The following SMG6 variants were observed in gnomAD, a reference collection of about 807,000 sequenced individuals.
SMG6 encodes SMG6 nonsense mediated mRNA decay factor, also known as telomerase-binding protein EST1A.
Under a neutral mutation model 142.2 loss-of-function variants are expected in SMG6, and 66 were observed. That is an observed-to-expected ratio of 0.46 (90% CI 0.38 to 0.57). The LOEUF (loss-of-function observed/expected upper bound fraction) is 0.57, where lower values mean the gene tolerates loss of function less well. Ranked by LOEUF, SMG6 falls within the 20% of genes least tolerant of loss-of-function variation. SMG6 has a pLI of 0.00. For missense variants in SMG6, 1,793 were observed against 1,832.0 expected (o/e 0.98, Z 0.39); for synonymous variants, 779 against 702.4 (o/e 1.11, Z -1.72).
chr17:2,191,978 C>A (rs1374993022), intron 10 of SMG6, among the ~76,000 whole-genome samples: 2 of 152,242 alleles, frequency 1.3e-5, no homozygotes, highest in Non-Finnish European at 2.9e-5. Flanking sequence ...GTTATTGTAA[C>A]TGTCAGAGAA....
chr17:2,108,299 G>A (rs2069209249), intron 13 of SMG6, among the ~76,000 whole-genome samples: 1 of 152,152 alleles, frequency 6.6e-6, no homozygotes, highest in Non-Finnish European at 1.5e-5. Context: ...CGTCCACTAT[G>A]AAAACACATA....
intron 8 of SMG6, among the ~76,000 whole-genome samples, chr17:2,253,913 A>G (rs891557888): frequency 6.6e-6 from 1 of 152,146 alleles, no homozygotes; most frequent in Non-Finnish European, 1.5e-5. Context: ...CCCAAGCCCA[A>G]CGGAGACTTC....
At chr17:2,291,584 ATTAC>A (rs2075038352) in intron 6 of SMG6, among the ~76,000 whole-genome samples, 1 of 152,112 alleles carries the variant, frequency 6.6e-6, no homozygotes, top group African/African-American at 2.4e-5. Context: ...AGTAAACCAC[ATTAC>A]TTAATCAACT....
intron 13 of SMG6, among the ~76,000 whole-genome samples, chr17:2,106,930 TCTC>T (rs1399914842): frequency 1.3e-5 from 2 of 151,990 alleles, no homozygotes; most frequent in Non-Finnish European, 2.9e-5. Flanking sequence ...TTCTAGCAAT[TCTC>T]CTGCCTCAGT....
intron 10 of SMG6, among the ~76,000 whole-genome samples, chr17:2,189,833 CAAACGAATAGCATCCAGGGTAG>C (rs1488349463): frequency 0.017 from 2,612 of 152,272 alleles, 75 homozygotes; most frequent in African/African-American, 0.06. Flanking sequence ...AAGGGCCCAA[CAAACGAATAGCATCCAGGGTAG>C]TAATTCTTTG....
At chr17:2,269,219 CAAAA>C (rs746635212) in intron 8 of SMG6, among the ~76,000 whole-genome samples, 9 of 82,632 alleles carry the variant, frequency 1.1e-4, no homozygotes, top group African/African-American at 1.4e-4. Context: ...GACTCCATCT[CAAAA>C]AAAAAAAAAA....
Position 2,139,610 on chromosome 17 carries a change from G to A in SMG6, c.3357+33048C>T, listed in dbSNP as rs375901908. 5.3e-5 allele frequency among the ~76,000 whole-genome samples: 8 copies of A among 151,500 alleles called. No individual in the cohort carries two copies. The South Asian group carries it at 8.3e-4, about 16-fold the overall frequency. ...CTAATTTTGTATTTTTAGTAGAGAC[G>A]GGGTTTCGCCATGTTGGCCAGGCTG... On this transcript the variant is annotated intron_variant, in intron 13 of 18. Coordinates refer to ENST00000263073, the MANE Select transcript of SMG6 (RefSeq NM_017575.5).
intron 10 of SMG6, among the ~76,000 whole-genome samples, chr17:2,188,827 T>C (rs760228370): frequency 5.9e-5 from 9 of 152,206 alleles, no homozygotes; most frequent in Non-Finnish European, 1.2e-4. Context: ...CTACTGATAA[T>C]GTAAAGCCAT....
intron 13 of SMG6, among the ~76,000 whole-genome samples, chr17:2,132,297 T>C (rs2760745): frequency 0.35 from 52,983 of 152,058 alleles, 9,989 homozygotes; most frequent in African/African-American, 0.49. Flanking sequence ...ACTGTGAATG[T>C]CTGGTAAATA....
At chr17:2,234,545 G>A (rs959019874) in intron 10 of SMG6, among the ~76,000 whole-genome samples, 4 of 152,160 alleles carry the variant, frequency 2.6e-5, no homozygotes, top group African/African-American at 7.2e-5. Flanking sequence ...TTACAGGCGT[G>A]AGCCACCGCA....
chr17:2,300,597 A>G lies in SMG6; in HGVS notation c.156T>C (p.Tyr52=). ...KDNRRPDLEI[Y]KPGLSRLRNK... ...TCCTTAGCCGAGAAAGGCCAGGCTT[A>G]TAGATTTCCAGATCTGGACGCCTGT... The change falls in exon 2 of 19, where the codon TAT becomes TAC. Residue 52 remains tyrosine (Y), a synonymous_variant. Transcript: ENST00000263073. 6.2e-7 allele frequency: 1 copy of G among 1,613,456 alleles called. No homozygotes were observed. Among genetic ancestry groups the G allele is most frequent in the Non-Finnish European group, 8.5e-7 (1 of 1,179,760 alleles).
rs2068429088 is a variant in SMG6, at chr17:2,081,718, T to G, written c.3681+92A>C. On this transcript the variant is annotated intron_variant, in intron 15 of 18. Coordinates refer to ENST00000263073, the MANE Select transcript of SMG6 (RefSeq NM_017575.5). ...CACTGCAGGACTGACTCACTCTTAG[T>G]GTCCTGCTCAGCTCTGCTCTCTGCC... 5.6e-6 allele frequency: 8 copies of G among 1,430,666 alleles called. No individual in the cohort carries two copies. In the Admixed American group the frequency reaches 6.9e-5, roughly 12 times the overall value. 88.6% of individuals were successfully genotyped at this position (1,430,666 alleles called of 1,614,324 possible).
intron 17 of SMG6, 51 bp from the exon 18 acceptor site, chr17:2,065,205 G>T: frequency 6.8e-7 from 1 of 1,475,002 alleles, no homozygotes; most frequent in Non-Finnish European, 9.4e-7. Context: ...GGGGCGCCAT[G>T]TGGAGGAGGA....
At chr17:2,269,960 T>G (rs1462994324) in intron 8 of SMG6, among the ~76,000 whole-genome samples, 1 of 151,978 alleles carries the variant, frequency 6.6e-6, no homozygotes, top group Non-Finnish European at 1.5e-5. Context: ...GCCCAGGAGT[T>G]TGAGACTGCA....
intron 13 of SMG6, among the ~76,000 whole-genome samples, chr17:2,091,917 C>T (rs4790875): frequency 0.67 from 101,105 of 150,718 alleles, 35,269 homozygotes; most frequent in African/African-American, 0.86. Context: ...CTCCTGACCT[C>T]GTGATCCGCC....
At chr17:2,158,022 C>CT (rs1339235955) in intron 13 of SMG6, among the ~76,000 whole-genome samples, 1 of 152,026 alleles carries the variant, frequency 6.6e-6, no homozygotes, top group African/African-American at 2.4e-5. Flanking sequence ...GAAAAGAAAC[C>CT]ACAAGTAAGA....
At chr17:2,280,085 A>G (rs2151376049) in intron 8 of SMG6, among the ~76,000 whole-genome samples, 1 of 152,282 alleles carries the variant, frequency 6.6e-6, no homozygotes, top group African/African-American at 2.4e-5. Flanking sequence ...TCTATCCTCA[A>G]TGCTTACTTC....
chr17:2,065,589 T>C lies in SMG6; in HGVS notation c.3926A>G (p.Lys1309Arg). 6.2e-7 allele frequency: 1 copy of C among 1,614,148 alleles called. No individual in the cohort carries two copies. Among genetic ancestry groups the C allele is most frequent in the South Asian group, 1.1e-5 (1 of 91,088 alleles). Reference protein sequence around the residue: ...YARVVQEKARKSIEFLEQRFE... With the variant: ...YARVVQEKARRSIEFLEQRFE... The stretch of plus-strand genomic sequence containing the variant: ...TCGCTGCTCGAGGAACTCGATGGAC[T>C]TGCGGGCCTTCTCTTGTACCACACG... The change falls in exon 17 of 19, where the codon AAG (lysine) becomes AGG (arginine). Residue 1309 changes from lysine (K) to arginine (R), a missense_variant. By Grantham distance (26) the Lys-to-Arg change is conservative. This residue lies in a region of SMG6 where 179 missense variants were observed against 212.6 expected (regional missense o/e 0.84). Transcript: ENST00000263073.
chr17:2,080,625 A>ACTTTTTT (rs1377850499), intron 15 of SMG6, among the ~76,000 whole-genome samples: 1 of 150,628 alleles, frequency 6.6e-6, no homozygotes, highest in East Asian at 1.9e-4. Flanking sequence ...TGCTATTAGC[A>ACTTTTTT]CTTTTTTCTT....
Sources: gnomAD v4.1 joint callset for allele counts (sites outside exome capture counted in the v4.1 genomes callset) on GRCh38, gnomAD v4.1.1 for gene constraint, gnomAD v4.1.1 regional missense constraint, MANE v1.5 for transcripts, NCBI Gene and HGNC (gene_info 2026-07-23, HGNC 2026-07-21) for gene names.